KIAA1217: variants seen among roughly 807,000 people sequenced by gnomAD.
KIAA1217 encodes the protein sickle tail protein homolog.
KIAA1217 carries 88 observed loss-of-function variants against 163.9 expected under a neutral mutation model. The ratio of observed to expected loss-of-function variants is 0.54; its 90% CI spans 0.45 to 0.64. The LOEUF (loss-of-function observed/expected upper bound fraction) is 0.64, where lower values mean the gene tolerates loss of function less well. Among genes scored for constraint, KIAA1217 ranks in the 30% least tolerant of loss-of-function variants. KIAA1217 has a pLI of 0.00. For synonymous variants in KIAA1217, 903 were observed against 923.1 expected (o/e 0.98, Z 0.39); for missense variants, 2,372 against 2,475.0 (o/e 0.96, Z 0.88).
intron 8 of KIAA1217, among the ~76,000 whole-genome samples, chr10:24,497,326 A>T (rs1432087612): frequency 6.6e-6 from 1 of 152,186 alleles, no homozygotes; most frequent in Non-Finnish European, 1.5e-5. Context: ...TGAGCATTAG[A>T]TCATTTAACA....
chr10:24,215,886 C>A (rs1445671925), intron 1 of KIAA1217, among the ~76,000 whole-genome samples: 1 of 152,126 alleles, frequency 6.6e-6, no homozygotes. Flanking sequence ...AGGCACAAGG[C>A]AGGAAATTGA....
chr10:24,058,899 T>C (rs973751348), intron 2 of KIAA1217, among the ~76,000 whole-genome samples: 5 of 152,320 alleles, frequency 3.3e-5, no homozygotes, highest in Admixed American at 1.3e-4. Context: ...TTGCTCTGGC[T>C]AGAACTTCCA....
chr10:23,918,765 C>CACACACAT (rs1554823730), intron 1 of KIAA1217, among the ~76,000 whole-genome samples: 1 of 150,176 alleles, frequency 6.7e-6, no homozygotes, highest in African/African-American at 2.4e-5. Context: ...CACACACACA[C>CACACACAT]ATATATAGTA....
At position 23,875,183 on chromosome 10, in the gene KIAA1217, A is replaced by C. The variant is rs532372875; in HGVS notation, c.-320-132042A>C. Reference sequence around the variant, plus strand: ...CCTCCCACCAGGCTCCAGTTTCAACACTGAAGATCACATTTTAACATGAGA... The same window carrying C: ...CCTCCCACCAGGCTCCAGTTTCAACCCTGAAGATCACATTTTAACATGAGA... On this transcript the variant is annotated intron_variant, in intron 1 of 18. Transcript: ENST00000376462. 5.5e-5 allele frequency among the ~76,000 whole-genome samples: 8 copies of C among 146,180 alleles called. No homozygotes were observed. The East Asian group carries it at 1.2e-3, about 22-fold the overall frequency.
chr10:24,326,634 A>G (rs2044942672), intron 2 of KIAA1217, among the ~76,000 whole-genome samples: 1 of 152,164 alleles, frequency 6.6e-6, no homozygotes, highest in East Asian at 1.9e-4. Flanking sequence ...TGTCAGTCAT[A>G]TATTATCTGA....
At chr10:23,751,755 G>A (rs10828537) in intron 1 of KIAA1217, among the ~76,000 whole-genome samples, 48,932 of 151,920 alleles carry the variant, frequency 0.32, 9,890 homozygotes, top group African/African-American at 0.57. Context: ...TTTCTTTACT[G>A]TATTTTAAGC....
At chr10:24,392,826 A>G (rs1419149904) in intron 3 of KIAA1217, among the ~76,000 whole-genome samples, 1 of 152,214 alleles carries the variant, frequency 6.6e-6, no homozygotes, top group Non-Finnish European at 1.5e-5. Context: ...TGTATGAGGA[A>G]AAAGATTTTG....
chr10:23,992,445 C>T (rs1846258747), intron 1 of KIAA1217, among the ~76,000 whole-genome samples: 1 of 152,058 alleles, frequency 6.6e-6, no homozygotes, highest in South Asian at 2.1e-4. Context: ...CCAAGAGTAA[C>T]AGGAGAGGGA....
At chr10:24,236,845 T>C (rs1266338893) in intron 2 of KIAA1217, among the ~76,000 whole-genome samples, 9 of 151,706 alleles carry the variant, frequency 5.9e-5, no homozygotes, top group Non-Finnish European at 1.3e-4. Context: ...AGAGACGGGG[T>C]ATTGCTATGT....
chr10:24,061,049 C>A (rs1329729953), intron 2 of KIAA1217, among the ~76,000 whole-genome samples: 2 of 151,994 alleles, frequency 1.3e-5, no homozygotes, highest in African/African-American at 4.8e-5. Context: ...TTCTGTATGT[C>A]TTATGGTTCA....
intron 2 of KIAA1217, among the ~76,000 whole-genome samples, chr10:24,321,551 G>A (rs1276251152): frequency 6.6e-6 from 1 of 152,016 alleles, no homozygotes. Context: ...AAAAAAAGGA[G>A]CCAAAGGATG....
chr10:24,524,747 A>C lies in KIAA1217; in HGVS notation c.2881A>C (p.Arg961=). The part of the protein sequence containing the change: ...EEIHSVSAKN[R]AVSIEKAEKK... ...AATCCACAGTGTGAGTGCCAAGAAC[A>C]GGGCAGTGTCTATCGAGGTAGAGTC... The change falls in exon 13 of 21, where the codon AGG becomes CGG. Residue 961 remains arginine (R), a synonymous_variant. Transcript: ENST00000376454. 1.9e-6 allele frequency: 3 copies of C among 1,596,710 alleles called. No individual in the cohort carries two copies. The highest frequency in any genetic ancestry group is 2.6e-6 in the Non-Finnish European group (3 of 1,167,188).
At chr10:23,898,031 G>T (rs1434402598) in intron 1 of KIAA1217, among the ~76,000 whole-genome samples, 1 of 151,906 alleles carries the variant, frequency 6.6e-6, no homozygotes, top group Non-Finnish European at 1.5e-5. Flanking sequence ...GAGAGAAAGT[G>T]CCAGAGCATC....
intron 1 of KIAA1217, among the ~76,000 whole-genome samples, chr10:23,838,112 A>G (rs1416819322): frequency 2.0e-5 from 3 of 152,154 alleles, no homozygotes; most frequent in Non-Finnish European, 2.9e-5. Context: ...AATTTGTTTA[A>G]TGATTGTTGG....
At chr10:23,889,522 A>G (rs947278552) in intron 1 of KIAA1217, among the ~76,000 whole-genome samples, 11 of 151,982 alleles carry the variant, frequency 7.2e-5, no homozygotes, top group African/African-American at 2.4e-4. Flanking sequence ...TTCTTTAACC[A>G]TTCTAGATGT....
rs117094234 is a variant in KIAA1217 at position 24,369,988 on chromosome 10, G to A, written c.355-10881G>A. ...GCAATAAAAAGACATCTACCTGGCC[G>A]GGCGCGGCGGCTCACGCCTGTAATC... On this transcript the variant is annotated intron_variant, in intron 2 of 20. Transcript: ENST00000376454. Among the ~76,000 whole-genome samples the A allele has an allele frequency of 0.011, 1,612 of 152,274 alleles. 92 individuals carry two copies. The East Asian group carries it at 0.17, about 16-fold the overall frequency.
At chr10:23,725,897 C>G (rs977860191) in intron 1 of KIAA1217, among the ~76,000 whole-genome samples, 5 of 152,188 alleles carry the variant, frequency 3.3e-5, no homozygotes, top group African/African-American at 1.2e-4. Flanking sequence ...CCAACTTCCA[C>G]CTTTGTGCCC....
At chr10:24,418,778 G>A (rs2058482946) in intron 3 of KIAA1217, among the ~76,000 whole-genome samples, 1 of 151,654 alleles carries the variant, frequency 6.6e-6, no homozygotes, top group Non-Finnish European at 1.5e-5. Context: ...CTTTTTGATA[G>A]TTTGAAAACA....
chr10:24,507,971 T>C (rs760137409), intron 9 of KIAA1217, among the ~76,000 whole-genome samples: 6 of 152,196 alleles, frequency 3.9e-5, no homozygotes, highest in African/African-American at 7.2e-5. Context: ...CTTTAAAGTA[T>C]TGAAAGGAAG....
Sources: allele counts gnomAD v4.1 joint callset (sites outside exome capture counted in the v4.1 genomes callset), GRCh38; gene constraint gnomAD v4.1.1; transcripts MANE v1.5; gene names NCBI Gene and HGNC (gene_info 2026-07-23, HGNC 2026-07-21).